Variants in CYP39A1 observed in about 807,000 individuals in gnomAD.
The protein encoded by CYP39A1 is 24-hydroxycholesterol 7-alpha-hydroxylase.
Under a neutral mutation model 58.1 loss-of-function variants are expected in CYP39A1, and 49 were observed. That is an observed-to-expected ratio of 0.84 (90% CI 0.67 to 1.07). The LOEUF (loss-of-function observed/expected upper bound fraction) is 1.07. Among genes scored for constraint, CYP39A1 ranks in the 50% least tolerant of loss-of-function variants. The pLI is 0.00. For missense variants in CYP39A1, 531 were observed against 539.4 expected (o/e 0.98, Z 0.16); for synonymous variants, 209 against 187.6 (o/e 1.11, Z -0.93).
chr6:46,646,227 T>C (rs1762315745), intron 1 of CYP39A1, among the ~76,000 whole-genome samples: 1 of 152,124 alleles, frequency 6.6e-6, no homozygotes, highest in Non-Finnish European at 1.5e-5. Context: ...TAGTCTTTCA[T>C]CATTTAAGTG....
At chr6:46,607,730 C>A (rs571726113) in intron 7 of CYP39A1, among the ~76,000 whole-genome samples, 1 of 152,078 alleles carries the variant, frequency 6.6e-6, no homozygotes, top group South Asian at 2.1e-4. Context: ...TGAGGAAACC[C>A]CTGTGCTTCT....
chr6:46,550,545 T>C, intron 11 of CYP39A1, 108 bp from the exon 12 acceptor site: 1 of 955,054 alleles, frequency 1.0e-6, no homozygotes, highest in South Asian at 1.9e-5. Context: ...AAAATTTAGG[T>C]TTTTCAAGTT....
chr6:46,651,110 C>A (rs1762657702), intron 1 of CYP39A1, among the ~76,000 whole-genome samples: 1 of 152,126 alleles, frequency 6.6e-6, no homozygotes, highest in Non-Finnish European at 1.5e-5. Flanking sequence ...CCAAAAGTAA[C>A]ACATTCATAT....
intron 1 of CYP39A1, among the ~76,000 whole-genome samples, chr6:46,645,570 G>C (rs535485123): frequency 6.0e-4 from 91 of 152,174 alleles, no homozygotes; most frequent in African/African-American, 2.1e-3. Flanking sequence ...AAATCATCTT[G>C]ATTAATAATA....
chr6:46,581,956 G>C (rs568919718), intron 10 of CYP39A1, among the ~76,000 whole-genome samples: 10 of 152,184 alleles, frequency 6.6e-5, no homozygotes, highest in African/African-American at 2.4e-4. Flanking sequence ...TTGCTCCTTT[G>C]CAAAGCAGTG....
intron 5 of CYP39A1, among the ~76,000 whole-genome samples, chr6:46,633,951 A>G (rs906968822): frequency 6.6e-6 from 1 of 152,228 alleles, no homozygotes; most frequent in African/African-American, 2.4e-5. Flanking sequence ...GCAATACATA[A>G]AAAAATAAAG....
rs1416832954 is a variant in CYP39A1, at chr6:46,616,200, C to T, written c.931+9218G>A. The stretch of plus-strand genomic sequence containing the variant: ...CTTTCTTTCTTTCTTCTTTCCCTCC[C>T]TCCCTCCCTCCCTCCCTCCCTCCCT... On this transcript the variant is annotated intron_variant, in intron 7 of 11. Transcript: ENST00000275016. Among the ~76,000 whole-genome samples the T allele has an allele frequency of 1.9e-3, 2 of 1,074 alleles. 1 individual carries two copies. Among genetic ancestry groups the T allele is most frequent in the African/African-American group, 9.1e-3 (2 of 220 alleles). 0.7% of individuals were successfully genotyped at this position (1,074 alleles called of 152,430 possible).
At chr6:46,633,413 C>T (rs1775774691) in intron 5 of CYP39A1, among the ~76,000 whole-genome samples, 1 of 152,050 alleles carries the variant, frequency 6.6e-6, no homozygotes, top group Admixed American at 6.6e-5. Context: ...ATTAATGATG[C>T]AATAAAGCGT....
At chr6:46,585,917 A>G (rs4714948) in intron 10 of CYP39A1, among the ~76,000 whole-genome samples, 59,349 of 151,866 alleles carry the variant, frequency 0.39, 14,496 homozygotes, top group African/African-American at 0.69. Flanking sequence ...TTCATATCCA[A>G]TGGGACAGGA....
chr6:46,560,323 AG>A (rs1770908525), intron 10 of CYP39A1, among the ~76,000 whole-genome samples: 1 of 152,224 alleles, frequency 6.6e-6, no homozygotes, highest in Non-Finnish European at 1.5e-5. Flanking sequence ...TCCAGACAAT[AG>A]AAAGTGGTGA....
At chr6:46,613,186 C>T (rs975005186) in intron 7 of CYP39A1, among the ~76,000 whole-genome samples, 13 of 152,294 alleles carry the variant, frequency 8.5e-5, no homozygotes, top group South Asian at 8.3e-4. Context: ...AAGAGTCAGA[C>T]GCTTTCCTCA....
chr6:46,614,933 T>C (rs1004733749), intron 7 of CYP39A1, among the ~76,000 whole-genome samples: 2 of 152,160 alleles, frequency 1.3e-5, no homozygotes, highest in African/African-American at 4.8e-5. Flanking sequence ...TGAATGACGC[T>C]GTGTCCCCAG....
intron 8 of CYP39A1, among the ~76,000 whole-genome samples, chr6:46,591,922 A>G (rs1036742798): frequency 1.3e-5 from 2 of 152,104 alleles, no homozygotes; most frequent in African/African-American, 4.8e-5. Context: ...TAACATTTTA[A>G]TTCTTTTGGC....
At chr6:46,572,139 G>A (rs911222395) in intron 10 of CYP39A1, among the ~76,000 whole-genome samples, 2 of 151,704 alleles carry the variant, frequency 1.3e-5, no homozygotes, top group African/African-American at 4.8e-5. Context: ...AAATATTGTA[G>A]CTATAGTTAT....
intron 1 of CYP39A1, among the ~76,000 whole-genome samples, chr6:46,651,800 A>C (rs907356103): frequency 6.6e-6 from 1 of 152,232 alleles, no homozygotes; most frequent in Non-Finnish European, 1.5e-5. Context: ...CTGGAAATTG[A>C]ATAAAACTTA....
chr6:46,553,073 C>CAAAAAAAAAA (rs34991519), intron 11 of CYP39A1, among the ~76,000 whole-genome samples: 1 of 81,378 alleles, frequency 1.2e-5, no homozygotes. Context: ...ACCCCCCAAC[C>CAAAAAAAAAA]AAAAAAAAAA....
At chr6:46,600,988 C>T (rs528840919) in intron 7 of CYP39A1, among the ~76,000 whole-genome samples, 91 of 152,104 alleles carry the variant, frequency 6.0e-4, no homozygotes, top group African/African-American at 1.7e-3. Flanking sequence ...GAGAGTCTTG[C>T]GGGACTGAGC....
chr6:46,623,219 T>A (rs2150569347), intron 7 of CYP39A1, among the ~76,000 whole-genome samples: 1 of 152,298 alleles, frequency 6.6e-6, no homozygotes, highest in South Asian at 2.1e-4. Context: ...TAAACATTAT[T>A]TCTGGGTGTG....
chr6:46,631,908 T>A (rs1269116201), intron 5 of CYP39A1, among the ~76,000 whole-genome samples: 2 of 152,166 alleles, frequency 1.3e-5, no homozygotes, highest in Admixed American at 6.5e-5. Flanking sequence ...TGGGAAAAAA[T>A]TCAGACACTG....
Sources: gnomAD v4.1 joint callset for allele counts (sites outside exome capture counted in the v4.1 genomes callset) on GRCh38, gnomAD v4.1.1 for gene constraint, MANE v1.5 for transcripts, NCBI Gene and HGNC (gene_info 2026-07-23, HGNC 2026-07-21) for gene names.